Variants in TMEM44 observed in about 807,000 individuals in gnomAD.
TMEM44 encodes the protein transmembrane protein 44.
In TMEM44, 43 loss-of-function variants were observed where a neutral mutation model predicts 47.8. The observed-to-expected ratio is 0.90, with a 90% confidence interval of 0.70 to 1.16. TMEM44 has a LOEUF of 1.16. TMEM44 is among the 50% of genes most tolerant of loss of function. The pLI is 0.00. For missense variants in TMEM44, 568 were observed against 555.2 expected, an observed-to-expected ratio of 1.02 and a Z score of -0.23; for synonymous variants, 277 against 238.8, an observed-to-expected ratio of 1.16 and a Z score of -1.48.
rs139906682 is a variant in TMEM44, at chr3:194,632,761, T to G, written c.137+318A>C. ...CCGGTCATAGGAGGCCCAGAGAGGT[T>G]CTGGAGCTTGCCCAGGTCACACTGC... is the stretch of plus-strand genomic sequence containing the variant. On this transcript the variant is annotated intron_variant, in intron 1 of 9. Coordinates refer to ENST00000347147, the MANE Select transcript of TMEM44 (RefSeq NM_001011655.3). 4.7e-3 allele frequency among the ~76,000 whole-genome samples: 719 copies of G among 152,250 alleles called. 7 individuals are homozygous for G. The highest frequency in any genetic ancestry group is 4.2e-3 in the Non-Finnish European group (284 of 68,002).
chr3:194,609,031 T>A (rs982167482), intron 8 of TMEM44, among the ~76,000 whole-genome samples: 5 of 152,028 alleles, frequency 3.3e-5, no homozygotes, highest in African/African-American at 1.2e-4. Context: ...TCAAAAGGAA[T>A]GGATGGGCAT....
At chr3:194,612,812 C>T (rs1715463666) in intron 7 of TMEM44, among the ~76,000 whole-genome samples, 1 of 152,038 alleles carries the variant, frequency 6.6e-6, no homozygotes, top group African/African-American at 2.4e-5. Context: ...CTACAGGCAC[C>T]CGCCACCGCG....
At position 194,623,635 on chromosome 3, in the gene TMEM44, G is replaced by A. The variant is rs372450027; in HGVS notation, c.419C>T (p.Ala140Val). 2.7e-4 allele frequency: 429 copies of A among 1,612,792 alleles called. No homozygotes were observed. The highest frequency in any genetic ancestry group is 3.4e-4 in the Non-Finnish European group (407 of 1,179,922). The change falls in exon 4 of 10, where the codon GCC (alanine) becomes GTC (valine). Residue 140 changes from alanine (A) to valine (V), a missense_variant. Ala to Val is a moderately conservative substitution (Grantham distance 64, BLOSUM62 0). Transcript: ENST00000347147. ...GCACGGGCCCAGGCTCAGCGGCAGG[G>A]CCAGGGCAAACACACTGGCCCTGAG... ...RQLRASVFAL[A>V]LPLSLGPCWA...
chr3:194,613,850 C>A (rs1256336025), intron 7 of TMEM44, among the ~76,000 whole-genome samples: 5 of 151,098 alleles, frequency 3.3e-5, no homozygotes, highest in Admixed American at 2.0e-4. Context: ...AGGCCGGGCC[C>A]GGTGGCTCAC....
At chr3:194,593,014 GAAGAGA>G in intron 9 of TMEM44, 1 of 1,613,492 alleles carries the variant, frequency 6.2e-7, no homozygotes, top group Non-Finnish European at 8.5e-7. Flanking sequence ...GTCCCTCCTG[GAAGAGA>G]AAGAGCATGA....
Position 194,588,541 on chromosome 3 carries a change from A to G in TMEM44, c.1275T>C (p.Ser425=), listed in dbSNP as rs865971646. 2.5e-6 allele frequency: 4 copies of G among 1,613,932 alleles called. No homozygotes were observed. The highest frequency in any genetic ancestry group is 1.7e-4 in the Middle Eastern group (1 of 6,050). ...HQDSVRTAHL[S]DDD ...GCTCCAGAAGGTGTTAATCATCATC[A>G]CTCAGGTGTGCTGTCCTCACAGAGT... Residue 425 remains serine (S), a synonymous_variant, in exon 10 of 10, where the codon AGT becomes AGC. Coordinates refer to ENST00000347147, the MANE Select transcript of TMEM44 (RefSeq NM_001011655.3).
At chr3:194,618,702 T>C (rs1716213436) in intron 5 of TMEM44, among the ~76,000 whole-genome samples, 1 of 151,948 alleles carries the variant, frequency 6.6e-6, no homozygotes, top group Non-Finnish European at 1.5e-5. Context: ...TACAGATATA[T>C]AGGCCTTGGC....
chr3:194,592,969 TAACAAA>T, intron 9 of TMEM44: 1 of 1,569,998 alleles, frequency 6.4e-7, no homozygotes, highest in Non-Finnish European at 8.8e-7. Flanking sequence ...TAACAAGGTC[TAACAAA>T]AACAGGAACT....
chr3:194,612,529 G>A (rs541586102), intron 7 of TMEM44, among the ~76,000 whole-genome samples: 2 of 151,958 alleles, frequency 1.3e-5, no homozygotes, highest in African/African-American at 4.8e-5. Context: ...TCCTGGCCAC[G>A]GAGGAAGTTA....
rs551460475 is a variant in TMEM44 at position 194,613,596 on chromosome 3, G to A, written c.912+1973C>T. On this transcript the variant is annotated intron_variant, in intron 7 of 9. Coordinates refer to ENST00000347147, the MANE Select transcript of TMEM44 (RefSeq NM_001011655.3). ...CAACCTCCGCCTCCCAGGTTCAAGC[G>A]ATTCTCCTGCCTCAGCCTCCTGAGT... 1.8e-4 allele frequency among the ~76,000 whole-genome samples: 27 copies of A among 150,854 alleles called. No individual in the cohort carries two copies. In the South Asian group the frequency reaches 4.4e-3, roughly 25 times the overall value.
intron 7 of TMEM44, among the ~76,000 whole-genome samples, chr3:194,612,696 G>A (rs918291021): frequency 2.0e-5 from 3 of 151,876 alleles, no homozygotes; most frequent in Non-Finnish European, 4.4e-5. Context: ...ACGGAGTCTC[G>A]CTCTGTCGCC....
intron 8 of TMEM44, among the ~76,000 whole-genome samples, chr3:194,608,406 C>T (rs532772187): frequency 1.8e-4 from 28 of 152,294 alleles, no homozygotes; most frequent in African/African-American, 6.7e-4. Flanking sequence ...ACTGAGAGCC[C>T]AGGACTGCAA....
At chr3:194,617,854 A>G in intron 5 of TMEM44, 1 of 651,160 alleles carries the variant, frequency 1.5e-6, no homozygotes, top group Non-Finnish European at 2.8e-6. Context: ...TGTCCTCACG[A>G]CAGTGAGTGA....
intron 6 of TMEM44, 139 bp from the exon 7 acceptor site, chr3:194,615,836 G>T: frequency 8.3e-7 from 1 of 1,202,404 alleles, no homozygotes; most frequent in Non-Finnish European, 1.2e-6. Context: ...GCCTGGGACA[G>T]AGAGGAGCTC....
intron 9 of TMEM44, among the ~76,000 whole-genome samples, chr3:194,599,260 G>A (rs981348670): frequency 6.6e-6 from 1 of 152,142 alleles, no homozygotes; most frequent in African/African-American, 2.4e-5. Context: ...CCTATGCGGT[G>A]GGCTGGGGCC....
chr3:194,603,837 G>T (rs919735078), intron 9 of TMEM44, among the ~76,000 whole-genome samples: 1 of 151,886 alleles, frequency 6.6e-6, no homozygotes, highest in Non-Finnish European at 1.5e-5. Context: ...CAGGGTAGGG[G>T]CCCCACGGAA....
At chr3:194,628,275 A>G (rs1717384232) in intron 2 of TMEM44, 108 bp downstream of exon 2, 1 of 1,428,134 alleles carries the variant, frequency 7.0e-7, no homozygotes, top group African/African-American at 1.4e-5. Flanking sequence ...ACACTGTGCT[A>G]TGCATGTTGC....
At chr3:194,593,973 G>A (rs1181700990) in intron 9 of TMEM44, among the ~76,000 whole-genome samples, 1 of 152,004 alleles carries the variant, frequency 6.6e-6, no homozygotes, top group Non-Finnish European at 1.5e-5. Flanking sequence ...ACCATGCCTG[G>A]CTGACATTTA....
chr3:194,604,474 A>G, intron 8 of TMEM44, 29 bp from the exon 9 acceptor site: 1 of 1,469,264 alleles, frequency 6.8e-7, no homozygotes, highest in Middle Eastern at 1.8e-4. Flanking sequence ...AGGGCAGGCA[A>G]GGACACGTAG....
Sources: allele counts gnomAD v4.1 joint callset (sites outside exome capture counted in the v4.1 genomes callset), GRCh38; gene constraint gnomAD v4.1.1; transcripts MANE v1.5; gene names NCBI Gene and HGNC (gene_info 2026-07-23, HGNC 2026-07-21).